The following NSUN3 variants were observed in gnomAD, a reference collection of about 807,000 sequenced individuals.
The protein encoded by NSUN3 is NOP2/Sun RNA methyltransferase 3.
Under a neutral mutation model 36.8 loss-of-function variants are expected in NSUN3, and 24 were observed. That is an observed-to-expected ratio of 0.65 (90% CI 0.47 to 0.92). NSUN3 has a LOEUF of 0.92. Ranked by LOEUF, NSUN3 falls within the 40% of genes least tolerant of loss-of-function variation. NSUN3 has a pLI of 0.00. For synonymous variants in NSUN3, 146 were observed against 145.2 expected (o/e 1.01, Z -0.04); for missense variants, 381 against 392.8 (o/e 0.97, Z 0.25).
rs141465749 is a variant in NSUN3, at chr3:94,077,144, C to T, written c.123-6963C>T. On this transcript the variant is annotated intron_variant, in intron 2 of 5. Coordinates refer to ENST00000314622, the MANE Select transcript of NSUN3 (RefSeq NM_022072.5). ...TTATGGATCACTCATTCTTCCACTG[C>T]GTCATCAAAGGCTGCTTCCTTGTCA... 124 of 736,634 alleles carry T rather than the reference C, an allele frequency of 1.7e-4. No individual in the cohort carries two copies. The East Asian group carries it at 2.0e-3, about 12-fold the overall frequency. 45.6% of individuals were successfully genotyped at this position (736,634 alleles called of 1,614,324 possible). A position where few individuals can be genotyped will look rare whatever the true frequency, so the allele number is the denominator to read the frequency against.
intron 2 of NSUN3, chr3:94,076,579 G>T (rs1166167201): frequency 1.2e-6 from 1 of 853,960 alleles, no homozygotes; most frequent in South Asian, 1.3e-5. Flanking sequence ...GGTAGATGGT[G>T]TGATCATCTG....
intron 3 of NSUN3, among the ~76,000 whole-genome samples, chr3:94,092,761 A>C (rs1307208954): frequency 6.6e-6 from 1 of 151,556 alleles, no homozygotes; most frequent in Non-Finnish European, 1.5e-5. Flanking sequence ...AAAATTTAAA[A>C]ATACAAAAAT....
chr3:94,115,765 C>T (rs1315892625), intron 5 of NSUN3, among the ~76,000 whole-genome samples: 1 of 152,106 alleles, frequency 6.6e-6, no homozygotes, highest in African/African-American at 2.4e-5. Flanking sequence ...CTGACCCTCC[C>T]ATCAGAATGC....
At chr3:94,069,633 T>C (rs985188431) in intron 2 of NSUN3, among the ~76,000 whole-genome samples, 1 of 152,346 alleles carries the variant, frequency 6.6e-6, no homozygotes, top group South Asian at 2.1e-4. Context: ...GAATGAAAAT[T>C]ATACTATCAA....
intron 1 of NSUN3, chr3:94,064,189 T>C: frequency 2.2e-6 from 1 of 464,868 alleles, no homozygotes; most frequent in Non-Finnish European, 3.9e-6. Context: ...TTTTGACAGT[T>C]TCTTCAGCCC....
At chr3:94,094,938 T>G (rs1472766276) in intron 4 of NSUN3, 95 bp from the exon 5 acceptor site, 6 of 1,247,436 alleles carry the variant, frequency 4.8e-6, no homozygotes, top group Non-Finnish European at 6.8e-6. Flanking sequence ...TATTTCCTAT[T>G]TGTTTACCAT....
In NSUN3 at chr3:94,127,832, T is replaced by G. The variant is rs2077493761; in HGVS notation, c.*1342T>G. ...TGTTTTGCAAGCATATGTAACCCGGTTTATATCATCAGGAAGTCTTAGGAA... is the reference window on the plus strand; with the variant it reads ...TGTTTTGCAAGCATATGTAACCCGGGTTATATCATCAGGAAGTCTTAGGAA... On this transcript the variant is annotated 3_prime_UTR_variant, in exon 6 of 6. Transcript: ENST00000314622. 1 of 152,194 alleles carries G rather than the reference T, an allele frequency of 6.6e-6. No individual in the cohort carries two copies. Among genetic ancestry groups the G allele is most frequent in the South Asian group, 2.1e-4 (1 of 4,832 alleles). 9.4% of individuals were successfully genotyped at this position (152,194 alleles called of 1,614,324 possible). A position where few individuals can be genotyped will look rare whatever the true frequency, so the allele number is the denominator to read the frequency against.
chr3:94,064,113 C>G (rs975450178), intron 1 of NSUN3: 2 of 239,086 alleles, frequency 8.4e-6, no homozygotes, highest in Non-Finnish European at 1.7e-5. Context: ...TCCCACAGTG[C>G]TGGGATTACA....
At chr3:94,071,823 A>T (rs1159063696) in intron 2 of NSUN3, among the ~76,000 whole-genome samples, 1 of 152,182 alleles carries the variant, frequency 6.6e-6, no homozygotes, top group Non-Finnish European at 1.5e-5. Context: ...GTCATCTAAC[A>T]TACATTCCCT....
chr3:94,064,295 C>T (rs987799943), intron 1 of NSUN3, 142 bp from the exon 2 acceptor site: 4 of 606,106 alleles, frequency 6.6e-6, no homozygotes, highest in Admixed American at 5.9e-5. Context: ...AGTTTTGGTA[C>T]ATGTAAGGTA....
intron 5 of NSUN3, among the ~76,000 whole-genome samples, chr3:94,103,306 TAGAG>T (rs1324006009): frequency 7.2e-5 from 11 of 152,136 alleles, no homozygotes; most frequent in South Asian, 2.1e-4. Context: ...AGACCTATAA[TAGAG>T]AGAACAGTTA....
rs1450848918 is a variant in NSUN3, at chr3:94,128,948, T to C, written c.*2458T>C. On this transcript the variant is annotated 3_prime_UTR_variant, in exon 6 of 6. Transcript: ENST00000314622. ...AAATCAAAACCACACTGAGATAATA[T>C]TTTACACCAGTCAGAATGGCTATTA... is the stretch of plus-strand genomic sequence containing the variant. Among the ~76,000 whole-genome samples, 1 of 152,070 alleles carries C rather than the reference T, an allele frequency of 6.6e-6. No homozygotes were observed. The highest frequency in any genetic ancestry group is 2.4e-5 in the African/African-American group (1 of 41,402).
chr3:94,105,766 C>A (rs966078450), intron 5 of NSUN3, among the ~76,000 whole-genome samples: 1 of 152,086 alleles, frequency 6.6e-6, no homozygotes, highest in Non-Finnish European at 1.5e-5. Flanking sequence ...CACACACACA[C>A]GGTTTGAATA....
intron 5 of NSUN3, among the ~76,000 whole-genome samples, chr3:94,103,942 C>T (rs1390827405): frequency 2.0e-5 from 3 of 152,100 alleles, no homozygotes; most frequent in Non-Finnish European, 4.4e-5. Flanking sequence ...GGCAGGTGAC[C>T]CAATTAAATC....
intron 3 of NSUN3, among the ~76,000 whole-genome samples, chr3:94,091,077 G>A (rs544594339): frequency 6.6e-6 from 1 of 152,232 alleles, no homozygotes; most frequent in African/African-American, 2.4e-5. Flanking sequence ...GTTAGTGGGA[G>A]GTAAATCCAT....
At chr3:94,108,950 C>T (rs1338263347) in intron 5 of NSUN3, among the ~76,000 whole-genome samples, 2 of 152,216 alleles carry the variant, frequency 1.3e-5, no homozygotes, top group African/African-American at 4.8e-5. Flanking sequence ...CTGGCGTGAG[C>T]CACTGCACCC....
At chr3:94,092,673 G>A (rs2077320401) in intron 3 of NSUN3, among the ~76,000 whole-genome samples, 1 of 152,036 alleles carries the variant, frequency 6.6e-6, no homozygotes, top group Middle Eastern at 3.2e-3. Context: ...GGAGACCGAG[G>A]TAGGTAGGTC....
rs1311534586 is a variant in NSUN3, at chr3:94,084,443, T to C, written c.459T>C (p.Ala153=). ...GGKSIALLQC[A]CPGYLHCNEY... is the part of the protein sequence containing the mutation. The stretch of plus-strand genomic sequence containing the variant: ...AATCAATAGCTCTGCTGCAGTGTGC[T>C]TGTCCAGGTAGTGTGCTTTCCTTTC... Residue 153 remains alanine, a synonymous_variant, in exon 3 of 6, where the codon GCT becomes GCC. Transcript: ENST00000314622. 1.2e-6 allele frequency: 2 copies of C among 1,610,870 alleles called. No individual in the cohort carries two copies. The highest frequency in any genetic ancestry group is 1.3e-5 in the African/African-American group (1 of 74,872).
At chr3:94,076,433 T>G in intron 2 of NSUN3, 1 of 794,250 alleles carries the variant, frequency 1.3e-6, no homozygotes, top group Non-Finnish European at 2.3e-6. Flanking sequence ...AAGTTTCTGA[T>G]GATCAGCAAC....
Sources: gnomAD v4.1 joint callset for allele counts (sites outside exome capture counted in the v4.1 genomes callset) on GRCh38, gnomAD v4.1.1 for gene constraint, MANE v1.5 for transcripts, NCBI Gene and HGNC (gene_info 2026-07-23, HGNC 2026-07-21) for gene names.